The following ABI1 variants were observed in gnomAD, a reference collection of about 807,000 sequenced individuals.
The protein encoded by ABI1 is Abelson interactor 1.
ABI1 carries 14 observed loss-of-function variants against 54.6 expected under a neutral mutation model. The observed-to-expected ratio is 0.26, with a 90% CI of 0.17 to 0.40. The LOEUF is 0.40. Ranked by LOEUF, ABI1 falls within the 10% of genes least tolerant of loss-of-function variation. The pLI is 1.00. For synonymous variants in ABI1, 194 were observed against 209.3 expected (o/e 0.93, Z 0.63); for missense variants, 443 against 598.3 (o/e 0.74, Z 2.71).
chr10:26,752,232 G>A (rs1837727133), intron 9 of ABI1, among the ~76,000 whole-genome samples: 1 of 151,998 alleles, frequency 6.6e-6, no homozygotes, highest in African/African-American at 2.4e-5. Context: ...AAACAGCTTT[G>A]GTTCCCTAAA....
intron 3 of ABI1, among the ~76,000 whole-genome samples, chr10:26,773,234 C>G (rs1053182763): frequency 4.5e-5 from 2 of 44,852 alleles, no homozygotes; most frequent in Admixed American, 2.4e-4. Flanking sequence ...TTTTTGCTGG[C>G]TCTGTTGCCC....
intron 4 of ABI1, chr10:26,770,613 T>C (rs1840569733): frequency 1.6e-6 from 1 of 637,956 alleles, no homozygotes; most frequent in African/African-American, 1.8e-5. Flanking sequence ...ACATGTTCAC[T>C]GAGATCAAAC....
chr10:26,762,479 C>T (rs115632375), intron 7 of ABI1, among the ~76,000 whole-genome samples: 3,334 of 152,262 alleles, frequency 0.022, 90 homozygotes, highest in African/African-American at 0.07. Flanking sequence ...TCTAGGACAG[C>T]AGTTTTCACA....
chr10:26,802,766 C>T (rs970112326), intron 2 of ABI1, among the ~76,000 whole-genome samples: 1 of 152,076 alleles, frequency 6.6e-6, no homozygotes, highest in Non-Finnish European at 1.5e-5. Flanking sequence ...TACCTGTGTC[C>T]GGACACTGCC....
intron 1 of ABI1, among the ~76,000 whole-genome samples, chr10:26,843,570 C>T (rs2049751593): frequency 7.3e-6 from 1 of 137,238 alleles, no homozygotes; most frequent in South Asian, 2.4e-4. Context: ...GAATGTATTG[C>T]AATTCTCCTC....
intron 1 of ABI1, among the ~76,000 whole-genome samples, chr10:26,835,044 G>T (rs995467384): frequency 7.4e-6 from 1 of 135,790 alleles, no homozygotes; most frequent in Admixed American, 7.8e-5. Flanking sequence ...AGAGGCTGCA[G>T]TGCCACTGCA....
At chr10:26,767,580 T>G (rs1012789283) in intron 6 of ABI1, among the ~76,000 whole-genome samples, 17 of 152,254 alleles carry the variant, frequency 1.1e-4, no homozygotes, top group African/African-American at 4.1e-4. Flanking sequence ...ATGAGGGGCT[T>G]CTGGGTTGCT....
At chr10:26,778,316 T>C (rs1841681533) in intron 2 of ABI1, among the ~76,000 whole-genome samples, 2 of 152,082 alleles carry the variant, frequency 1.3e-5, no homozygotes, top group South Asian at 4.1e-4. Flanking sequence ...AAATCTGGCT[T>C]AATAAGGAAC....
At chr10:26,809,268 CA>C (rs201796012) in intron 2 of ABI1, among the ~76,000 whole-genome samples, 6,603 of 133,546 alleles carry the variant, frequency 0.049, 310 homozygotes, top group South Asian at 0.22. Flanking sequence ...AGACTTATCT[CA>C]AAAAAAAAAA....
intron 2 of ABI1, among the ~76,000 whole-genome samples, chr10:26,811,758 G>T (rs564950083): frequency 0.016 from 300 of 19,338 alleles, 1 homozygote; most frequent in African/African-American, 0.026. Context: ...TTTATGCAAA[G>T]ATTTGTATAA....
At chr10:26,840,643 G>A (rs2049430255) in intron 1 of ABI1, among the ~76,000 whole-genome samples, 4 of 152,086 alleles carry the variant, frequency 2.6e-5, no homozygotes, top group Admixed American at 2.6e-4. Flanking sequence ...TTACAAAACT[G>A]TAAGTATCAA....
Position 26,772,909 on chromosome 10 carries a change from G to GA in ABI1, c.463-1821dup, listed in dbSNP as rs572434605. On this transcript the variant is annotated intron_variant, in intron 3 of 10. Coordinates refer to ENST00000376140, the MANE Select transcript of ABI1 (RefSeq NM_001012750.3). ...GCAACAAGGCGAAACCCCTTCTCTT[G>GA]AAAAAAAAAAATAAAAAATTAGCCA... 5.6e-3 allele frequency among the ~76,000 whole-genome samples: 813 copies of GA among 144,304 alleles called. 5 individuals carry two copies. The highest frequency in any genetic ancestry group is 0.033 in the East Asian group (159 of 4,860). 94.7% of individuals were successfully genotyped at this position (144,304 alleles called of 152,430 possible). A position where few individuals can be genotyped will look rare whatever the true frequency, so the allele number is the denominator to read the frequency against.
At chr10:26,824,650 T>C (rs1176021605) in intron 1 of ABI1, among the ~76,000 whole-genome samples, 1 of 152,076 alleles carries the variant, frequency 6.6e-6, no homozygotes, top group African/African-American at 2.4e-5. Flanking sequence ...AATATGCTAC[T>C]TCTTAACAGA....
intron 2 of ABI1, among the ~76,000 whole-genome samples, chr10:26,794,316 AG>A (rs1459893065): frequency 6.6e-6 from 1 of 152,148 alleles, no homozygotes; most frequent in African/African-American, 2.4e-5. Context: ...GCTACACAGG[AG>A]GCAGGAGAAT....
At chr10:26,768,486 C>T (rs537023746) in intron 6 of ABI1, among the ~76,000 whole-genome samples, 2 of 151,050 alleles carry the variant, frequency 1.3e-5, no homozygotes, top group South Asian at 2.1e-4. Flanking sequence ...TGCAGTGAGC[C>T]GAGATCGCAC....
At chr10:26,836,494 C>G (rs1010445120) in intron 1 of ABI1, among the ~76,000 whole-genome samples, 2 of 152,132 alleles carry the variant, frequency 1.3e-5, no homozygotes, top group African/African-American at 4.8e-5. Context: ...TAATTAGTAC[C>G]TGTACAAACT....
chr10:26,860,850 T>G lies in ABI1; in HGVS notation c.14A>C (p.Gln5Pro). 6.2e-7 allele frequency: 1 copy of G among 1,614,070 alleles called. No homozygotes were observed. The highest frequency in any genetic ancestry group is 8.5e-7 in the Non-Finnish European group (1 of 1,179,942). The change falls in exon 1 of 11, where the codon CAG becomes CCG. Residue 5 changes from glutamine to proline, a missense_variant. Gln to Pro is a moderately conservative substitution (Grantham distance 76). Around this residue, in one of 2 missense-constraint regions of ABI1, gnomAD observed 394 missense variants for 484.8 expected, o/e 0.81. Coordinates refer to ENST00000376140, the MANE Select transcript of ABI1 (RefSeq NM_001012750.3). The surrounding 1 kb of genome is among the most constrained non-coding windows in gnomAD (Gnocchi z 4.1). ...CGGGATCTCCTCCTCTAGTAACATC[T>G]GCAGCTCTGCCATTTTCCACCCCTC... is the stretch of plus-strand genomic sequence containing the variant. MAEL[Q>P]MLLEEEIPSG... is the part of the protein sequence containing the mutation.
intron 1 of ABI1, among the ~76,000 whole-genome samples, chr10:26,835,114 A>G (rs1377619684): frequency 6.7e-6 from 1 of 150,052 alleles, no homozygotes; most frequent in Admixed American, 6.7e-5. Flanking sequence ...AAAAAAAAAA[A>G]ACCCACAATG....
intron 2 of ABI1, among the ~76,000 whole-genome samples, chr10:26,786,253 G>A (rs569309915): frequency 3.4e-5 from 5 of 148,714 alleles, no homozygotes; most frequent in South Asian, 2.1e-4. Context: ...TTGCTCTGTC[G>A]CCTAGGCTGG....
Sources: gnomAD v4.1 joint callset for allele counts (sites outside exome capture counted in the v4.1 genomes callset) on GRCh38, gnomAD v4.1.1 for gene constraint, gnomAD v4.1.1 regional missense constraint, Gnocchi (gnomAD v3.1) non-coding constraint, MANE v1.5 for transcripts, NCBI Gene and HGNC (gene_info 2026-07-23, HGNC 2026-07-21) for gene names.